The following SHROOM4 variants were observed in gnomAD, a reference collection of about 807,000 sequenced individuals.
SHROOM4 encodes the protein protein Shroom4.
SHROOM4 carries 17 observed loss-of-function variants against 80.3 expected under a neutral mutation model. The observed-to-expected ratio is 0.21, with a 90% CI of 0.14 to 0.32. The LOEUF is 0.32. SHROOM4 is among the 10% of genes least tolerant of loss of function. The pLI is 1.00. For synonymous variants in SHROOM4, 400 were observed against 437.5 expected (o/e 0.91, Z 1.07); for missense variants, 993 against 1,140.3 (o/e 0.87, Z 1.86).
chrX:50,732,075 G>T (rs992812036), intron 1 of SHROOM4, among the ~76,000 whole-genome samples: 1 of 111,688 alleles, frequency 9.0e-6, no homozygotes, highest in African/African-American at 3.3e-5. Flanking sequence ...ATTTGTAGAA[G>T]AATTCTTGTC....
chrX:50,659,886 T>C (rs1602413250), intron 2 of SHROOM4, among the ~76,000 whole-genome samples: 2 of 112,331 alleles, frequency 1.8e-5, no homozygotes, highest in African/African-American at 6.5e-5. Flanking sequence ...TGCTTAACGA[T>C]ATATACTGGA....
chrX:50,660,102 C>T (rs184010965), intron 2 of SHROOM4, among the ~76,000 whole-genome samples: 186 of 111,710 alleles, frequency 1.7e-3, no homozygotes, highest in Non-Finnish European at 2.9e-3. Context: ...ATATAAAGTC[C>T]TACAAGTGGA....
intron 1 of SHROOM4, among the ~76,000 whole-genome samples, chrX:50,706,873 G>C (rs1203076558): frequency 2.7e-5 from 3 of 111,534 alleles, no homozygotes; most frequent in African/African-American, 9.8e-5. Flanking sequence ...GAGGTGTATG[G>C]CAATAATAAC....
At chrX:50,774,218 T>C (rs1935457755) in intron 1 of SHROOM4, among the ~76,000 whole-genome samples, 1 of 111,399 alleles carries the variant, frequency 9.0e-6, no homozygotes, top group Non-Finnish European at 1.9e-5. Context: ...TTCCCTTTCA[T>C]CAGATGTACA....
intron 1 of SHROOM4, among the ~76,000 whole-genome samples, chrX:50,813,160 T>TGGCGGCAGTGGC (rs1557273611): frequency 2.0e-5 from 2 of 101,999 alleles, no homozygotes; most frequent in African/African-American, 3.5e-5. Flanking sequence ...GCGGCGGCAG[T>TGGCGGCAGTGGC]GGCGGCGGCG....
chrX:50,725,371 T>C (rs1934221229), intron 1 of SHROOM4, among the ~76,000 whole-genome samples: 1 of 111,599 alleles, frequency 9.0e-6, no homozygotes, highest in Non-Finnish European at 1.9e-5. Flanking sequence ...AAGGCCCCAA[T>C]CACCTCACCA....
intron 5 of SHROOM4, among the ~76,000 whole-genome samples, chrX:50,618,377 T>A (rs1375628441): frequency 6.1e-5 from 3 of 49,509 alleles, no homozygotes; most frequent in African/African-American, 2.8e-4. Flanking sequence ...CCTTCCTTCC[T>A]TCCTTCCTTC....
intron 2 of SHROOM4, among the ~76,000 whole-genome samples, chrX:50,652,049 A>G (rs186842438): frequency 7.9e-4 from 89 of 112,083 alleles, no homozygotes; most frequent in African/African-American, 2.6e-3. Flanking sequence ...ACATACGTGT[A>G]CATGTGTCTT....
intron 1 of SHROOM4, among the ~76,000 whole-genome samples, chrX:50,785,067 A>G (rs1935711139): frequency 1.8e-5 from 2 of 112,046 alleles, no homozygotes; most frequent in Admixed American, 1.9e-4. Flanking sequence ...AAGAAATTCC[A>G]ATACATATCT....
chrX:50,785,692 A>G (rs1935725224), intron 1 of SHROOM4, among the ~76,000 whole-genome samples: 1 of 111,560 alleles, frequency 9.0e-6, no homozygotes, highest in Non-Finnish European at 1.9e-5. Context: ...AAAGGGGCAC[A>G]AGGAAACTTT....
chrX:50,759,778 C>T (rs1935111486), intron 1 of SHROOM4, among the ~76,000 whole-genome samples: 1 of 111,359 alleles, frequency 9.0e-6, no homozygotes, highest in African/African-American at 3.3e-5. Context: ...TTTCATTAAT[C>T]TTATTTTCTT....
intron 1 of SHROOM4, among the ~76,000 whole-genome samples, chrX:50,796,519 C>T (rs1569549184): frequency 9.0e-6 from 1 of 110,961 alleles, no homozygotes; most frequent in Non-Finnish European, 1.9e-5. Context: ...TCTAGAATGT[C>T]GGAGGTGGAA....
rs782142518 is a variant in SHROOM4, at chrX:50,587,038, G to T, written c.*9657C>A. Reference sequence around the variant, plus strand: ...TCTCTAGATTTATACATCTTATGTAGCTGCAACTTTGTAGCTTTGACCAAC... The same window carrying T: ...TCTCTAGATTTATACATCTTATGTATCTGCAACTTTGTAGCTTTGACCAAC... On this transcript the variant is annotated 3_prime_UTR_variant, in exon 9 of 9. Transcript: ENST00000376020. Among the ~76,000 whole-genome samples the T allele has an allele frequency of 2.7e-5, 3 of 111,655 alleles. No homozygotes were observed. The highest frequency in any genetic ancestry group is 5.6e-5 in the Non-Finnish European group (3 of 53,112).
At chrX:50,637,626 G>A (rs1931412292) in intron 3 of SHROOM4, among the ~76,000 whole-genome samples, 1 of 112,505 alleles carries the variant, frequency 8.9e-6, no homozygotes, top group Non-Finnish European at 1.9e-5. Context: ...AAGCTCTTGT[G>A]GAAGGGAAAA....
intron 5 of SHROOM4, among the ~76,000 whole-genome samples, chrX:50,609,663 A>ATGTGTGTGTG (rs1491268565): frequency 3.6e-5 from 1 of 27,682 alleles, no homozygotes; most frequent in African/African-American, 6.8e-5. Flanking sequence ...AGAGTCATGG[A>ATGTGTGTGTG]TATGTGTGTG....
chrX:50,779,342 A>G (rs1935576239), intron 1 of SHROOM4, among the ~76,000 whole-genome samples: 2 of 112,459 alleles, frequency 1.8e-5, no homozygotes, highest in African/African-American at 6.5e-5. Context: ...GATGTAATAT[A>G]GAATGAGGTA....
chrX:50,707,264 A>C (rs1412732094), intron 1 of SHROOM4, among the ~76,000 whole-genome samples: 1 of 111,589 alleles, frequency 9.0e-6, no homozygotes, highest in Non-Finnish European at 1.9e-5. Context: ...TTCCTTAAAA[A>C]CCATTTGTTC....
rs1928914078 is a variant in SHROOM4 at position 50,592,163 on chromosome X, G to A, written c.*4532C>T. ...AATATGCCTGGGATAAGGAAAAAAT[G>A]AATTGAGTAGATCAGGACTATAATA... On this transcript the variant is annotated 3_prime_UTR_variant, in exon 9 of 9. Transcript: ENST00000376020. 3.0e-6 allele frequency: 1 copy of A among 327,980 alleles called. No homozygotes were observed. The highest frequency in any genetic ancestry group is 2.6e-5 in the South Asian group (1 of 38,342). The allele number at this position is 327,980 out of a possible 1,213,427, so 27.0% of individuals were successfully genotyped here.
At chrX:50,697,578 C>CT (rs59643993) in intron 1 of SHROOM4, among the ~76,000 whole-genome samples, 5 of 111,349 alleles carry the variant, frequency 4.5e-5, no homozygotes, top group Non-Finnish European at 7.5e-5. Context: ...GCTAATCCAA[C>CT]TTTTTTTTAA....
Sources: gnomAD v4.1 joint callset for allele counts (sites outside exome capture counted in the v4.1 genomes callset) on GRCh38, gnomAD v4.1.1 for gene constraint, MANE v1.5 for transcripts, NCBI Gene and HGNC (gene_info 2026-07-23, HGNC 2026-07-21) for gene names.